RGS21: variants seen among roughly 807,000 people sequenced by gnomAD.
The protein encoded by RGS21 is regulator of G-protein signalling 21.
A neutral mutation model predicts 18.7 loss-of-function variants in RGS21; 19 were observed. That is an observed-to-expected ratio of 1.01 (90% CI 0.71 to 1.49). The LOEUF is 1.49. Ranked by LOEUF, RGS21 falls within the 40% of genes most tolerant of loss-of-function variation. RGS21 has a pLI of 0.00. For synonymous variants in RGS21, 56 were observed against 57.8 expected (o/e 0.97, Z 0.14); for missense variants, 194 against 176.8 (o/e 1.10, Z -0.55).
chr1:192,331,172 C>T (rs1056350625), intron 1 of RGS21, among the ~76,000 whole-genome samples: 28 of 152,054 alleles, frequency 1.8e-4, no homozygotes, highest in Non-Finnish European at 1.0e-4. Context: ...TATGCAGCCA[C>T]GCAAATTTTG....
chr1:192,345,339 C>A (rs1658930604), intron 2 of RGS21, among the ~76,000 whole-genome samples: 1 of 152,048 alleles, frequency 6.6e-6, no homozygotes, highest in Admixed American at 6.6e-5. Flanking sequence ...TTTCCCAGAA[C>A]ACTCTATGCC....
At chr1:192,327,127 G>A (rs574097996) in intron 1 of RGS21, among the ~76,000 whole-genome samples, 5 of 152,176 alleles carry the variant, frequency 3.3e-5, no homozygotes, top group African/African-American at 1.2e-4. Flanking sequence ...TAGAGAAATT[G>A]TTAAACATTT....
intron 1 of RGS21, among the ~76,000 whole-genome samples, chr1:192,327,433 A>T (rs1025767293): frequency 6.6e-6 from 1 of 152,142 alleles, no homozygotes; most frequent in Non-Finnish European, 1.5e-5. Context: ...TATGAGATTT[A>T]AAATTATTGC....
At chr1:192,365,136 CAA>C (rs77506382) in intron 4 of RGS21, among the ~76,000 whole-genome samples, 18 of 94,774 alleles carry the variant, frequency 1.9e-4, no homozygotes, top group Non-Finnish European at 1.5e-4. Context: ...AAGTGCGTCT[CAA>C]AAAAAAAAAA....
At chr1:192,348,153 G>A (rs902194631) in intron 3 of RGS21, among the ~76,000 whole-genome samples, 43 of 151,674 alleles carry the variant, frequency 2.8e-4, no homozygotes, top group African/African-American at 1.0e-3. Flanking sequence ...AGCCTCCCGA[G>A]GAGCTGGGAC....
chr1:192,351,934 C>A (rs889479701), intron 3 of RGS21, 113 bp from the exon 4 acceptor site: 1 of 582,658 alleles, frequency 1.7e-6, no homozygotes, highest in Non-Finnish European at 2.9e-6. Context: ...ATGCAATGAT[C>A]AATATTTGCC....
At chr1:192,342,613 C>G (rs1193941500) in intron 1 of RGS21, among the ~76,000 whole-genome samples, 1 of 151,558 alleles carries the variant, frequency 6.6e-6, no homozygotes, top group African/African-American at 2.4e-5. Flanking sequence ...AAAATGATCT[C>G]TTAGGCAGAT....
chr1:192,354,243 G>A (rs946632922), intron 4 of RGS21, among the ~76,000 whole-genome samples: 1 of 151,672 alleles, frequency 6.6e-6, no homozygotes, highest in African/African-American at 2.4e-5. Context: ...TACACAATAG[G>A]TGATATAATA....
intron 4 of RGS21, among the ~76,000 whole-genome samples, chr1:192,355,284 C>A (rs554678627): frequency 6.6e-6 from 1 of 151,650 alleles, no homozygotes; most frequent in Non-Finnish European, 1.5e-5. Context: ...TTACATCATG[C>A]AGAACGGTTT....
intron 1 of RGS21, among the ~76,000 whole-genome samples, chr1:192,334,126 A>G (rs1029284167): frequency 6.6e-6 from 1 of 152,178 alleles, no homozygotes; most frequent in African/African-American, 2.4e-5. Flanking sequence ...TGCCTTTGCT[A>G]ATCTAGGCTA....
At chr1:192,329,739 G>C (rs763656999) in intron 1 of RGS21, among the ~76,000 whole-genome samples, 41 of 149,526 alleles carry the variant, frequency 2.7e-4, no homozygotes, top group Middle Eastern at 6.9e-3. Context: ...GATGAGAAAA[G>C]GGGGTCAGCA....
chr1:192,318,793 A>G (rs1048364762), intron 1 of RGS21, among the ~76,000 whole-genome samples: 1 of 152,134 alleles, frequency 6.6e-6, no homozygotes, highest in Non-Finnish European at 1.5e-5. Context: ...TCCAAGAACT[A>G]TTGCTGATCC....
chr1:192,349,407 A>G (rs1659003778), intron 3 of RGS21, among the ~76,000 whole-genome samples: 1 of 152,136 alleles, frequency 6.6e-6, no homozygotes, highest in Non-Finnish European at 1.5e-5. Flanking sequence ...TTGTCAAATT[A>G]CCTAGTTGTT....
At chr1:192,328,853 G>T (rs1253894219) in intron 1 of RGS21, among the ~76,000 whole-genome samples, 3 of 152,070 alleles carry the variant, frequency 2.0e-5, no homozygotes, top group Non-Finnish European at 2.9e-5. Flanking sequence ...ATTTGCAGGT[G>T]ATAGCTGTTA....
At chr1:192,342,391 A>T (rs892003120) in intron 1 of RGS21, among the ~76,000 whole-genome samples, 1 of 152,072 alleles carries the variant, frequency 6.6e-6, no homozygotes, top group African/African-American at 2.4e-5. Context: ...GCATAAAATG[A>T]CTTGAGATCC....
At chr1:192,356,990 T>A (rs1331647415) in intron 4 of RGS21, among the ~76,000 whole-genome samples, 21 of 151,768 alleles carry the variant, frequency 1.4e-4, no homozygotes, top group Non-Finnish European at 1.0e-4. Flanking sequence ...ACAGTCATGG[T>A]CCCTGAGTAG....
intron 1 of RGS21, among the ~76,000 whole-genome samples, chr1:192,319,286 T>C (rs930931862): frequency 6.6e-6 from 1 of 152,060 alleles, no homozygotes; most frequent in Admixed American, 6.6e-5. Flanking sequence ...GCTTTTAACA[T>C]GAGAATCCCT....
intron 1 of RGS21, among the ~76,000 whole-genome samples, chr1:192,327,974 T>A (rs1658592246): frequency 6.6e-6 from 1 of 152,214 alleles, no homozygotes; most frequent in Non-Finnish European, 1.5e-5. Context: ...CATGAAATGC[T>A]GATATTTAAG....
intron 1 of RGS21, among the ~76,000 whole-genome samples, chr1:192,336,412 G>A (rs1658768902): frequency 6.6e-6 from 1 of 152,120 alleles, no homozygotes; most frequent in African/African-American, 2.4e-5. Flanking sequence ...CTGAGATCGT[G>A]CTATTGCACT....
Sources: allele counts gnomAD v4.1 joint callset (sites outside exome capture counted in the v4.1 genomes callset), GRCh38; gene constraint gnomAD v4.1.1; transcripts MANE v1.5; gene names NCBI Gene and HGNC (gene_info 2026-07-23, HGNC 2026-07-21).